Variants in LHFPL6 observed in about 807,000 individuals in gnomAD.
The protein encoded by LHFPL6 is LHFPL tetraspan subfamily member 6 protein.
In LHFPL6, 9 loss-of-function variants were observed where a neutral mutation model predicts 20.6. That is an observed-to-expected ratio of 0.44 (90% CI 0.26 to 0.76). LHFPL6 has a LOEUF of 0.76. Ranked by LOEUF, LHFPL6 falls within the 30% of genes least tolerant of loss-of-function variation. The pLI is 0.20. For missense variants in LHFPL6, 218 were observed against 253.5 expected (o/e 0.86, Z 0.95); for synonymous variants, 105 against 98.7 (o/e 1.06, Z -0.38).
At position 39,601,303 on chromosome 13, in the gene LHFPL6, C is replaced by T; in HGVS notation, c.-87G>A. The T allele has an allele frequency of 7.4e-6, 10 of 1,349,438 alleles. No individual in the cohort carries two copies. Among genetic ancestry groups the T allele is most frequent in the Middle Eastern group, 2.4e-4 (1 of 4,168 alleles). 83.6% of individuals were successfully genotyped at this position (1,349,438 alleles called of 1,614,324 possible). A position where few individuals can be genotyped will look rare whatever the true frequency, so the allele number is the denominator to read the frequency against. On this transcript the variant is annotated 5_prime_UTR_variant, in exon 2 of 4. The change creates a new upstream start codon in the 5' untranslated region. Transcript: ENST00000379589. ...AAGGTGTGAAATCACCAGGGACCCACAGATAATCCACAGTTCCGTAATGCA... is the reference window on the plus strand; with the variant it reads ...AAGGTGTGAAATCACCAGGGACCCATAGATAATCCACAGTTCCGTAATGCA...
intron 2 of LHFPL6, among the ~76,000 whole-genome samples, chr13:39,416,497 AG>A (rs1358277823): frequency 6.6e-6 from 1 of 152,230 alleles, no homozygotes; most frequent in Non-Finnish European, 1.5e-5. Flanking sequence ...AAGGACAAAA[AG>A]GTAGAGAATA....
intron 2 of LHFPL6, among the ~76,000 whole-genome samples, chr13:39,588,434 C>T (rs757806263): frequency 5.3e-5 from 8 of 152,218 alleles, no homozygotes; most frequent in Non-Finnish European, 1.0e-4. Context: ...GATGTTAATG[C>T]ATATTACAAG....
At chr13:39,581,006 T>C (rs1160321) in intron 2 of LHFPL6, among the ~76,000 whole-genome samples, 132,690 of 152,266 alleles carry the variant, frequency 0.87, 58,025 homozygotes, top group East Asian at 0.93. Flanking sequence ...CTTACAGACT[T>C]GAGGAAACAG....
At chr13:39,566,750 A>G (rs1871732099) in intron 2 of LHFPL6, among the ~76,000 whole-genome samples, 1 of 151,482 alleles carries the variant, frequency 6.6e-6, no homozygotes, top group Non-Finnish European at 1.5e-5. Context: ...AAAAAAAAAA[A>G]AAAAAAAAAA....
chr13:39,551,318 C>T (rs1456203842), intron 2 of LHFPL6, among the ~76,000 whole-genome samples: 2 of 152,030 alleles, frequency 1.3e-5, no homozygotes, highest in Non-Finnish European at 2.9e-5. Context: ...CACCAGGGAC[C>T]AGATTCACTT....
At chr13:39,506,256 A>G (rs995999848) in intron 2 of LHFPL6, among the ~76,000 whole-genome samples, 1 of 152,228 alleles carries the variant, frequency 6.6e-6, no homozygotes, top group Admixed American at 6.5e-5. Flanking sequence ...TAGGAAAACA[A>G]GAAGAGGCTA....
intron 2 of LHFPL6, among the ~76,000 whole-genome samples, chr13:39,380,542 G>A (rs113417305): frequency 0.027 from 3,892 of 145,414 alleles, 188 homozygotes; most frequent in African/African-American, 0.095. Context: ...ACAGAGTCTC[G>A]CACTGTCATC....
chr13:39,388,254 T>C (rs997843429), intron 2 of LHFPL6, among the ~76,000 whole-genome samples: 2 of 152,248 alleles, frequency 1.3e-5, no homozygotes, highest in Admixed American at 1.3e-4. Flanking sequence ...TTCTCATTCT[T>C]CTTTTTTAAT....
At chr13:39,459,186 G>A (rs1872635517) in intron 2 of LHFPL6, among the ~76,000 whole-genome samples, 1 of 142,108 alleles carries the variant, frequency 7.0e-6, no homozygotes, top group Non-Finnish European at 1.5e-5. Context: ...AGCTGGACAA[G>A]TTCCTTAATG....
In LHFPL6 at chr13:39,360,892, C is replaced by T. The variant is rs1394554275; in HGVS notation, c.485-16838G>A. Reference sequence around the variant, plus strand: ...TTTGCTCTGTTGAATCTCTCTTGCCCGCCCCCTCAAATGTTTTAGCTCCAC... The same window carrying T: ...TTTGCTCTGTTGAATCTCTCTTGCCTGCCCCCTCAAATGTTTTAGCTCCAC... On this transcript the variant is annotated intron_variant, in intron 3 of 3. Coordinates refer to ENST00000379589, the MANE Select transcript of LHFPL6 (RefSeq NM_005780.3). Among the ~76,000 whole-genome samples, 6 of 97,368 alleles carry T rather than the reference C, an allele frequency of 6.2e-5. 3 individuals are homozygous for T. The highest frequency in any genetic ancestry group is 1.2e-4 in the African/African-American group (4 of 33,160). 63.9% of individuals were successfully genotyped at this position (97,368 alleles called of 152,430 possible). A position where few individuals can be genotyped will look rare whatever the true frequency, so the allele number is the denominator to read the frequency against.
chr13:39,482,171 C>T (rs1343022093), intron 2 of LHFPL6, among the ~76,000 whole-genome samples: 1 of 152,178 alleles, frequency 6.6e-6, no homozygotes, highest in Non-Finnish European at 1.5e-5. Context: ...CCACCGGGCA[C>T]AGTGGCTCAT....
chr13:39,563,171 T>A (rs1208938339), intron 2 of LHFPL6, among the ~76,000 whole-genome samples: 1 of 147,964 alleles, frequency 6.8e-6, no homozygotes, highest in African/African-American at 2.5e-5. Flanking sequence ...AAAGCAACAA[T>A]GTTAAAAATG....
chr13:39,476,205 T>A (rs2138440940), intron 2 of LHFPL6, among the ~76,000 whole-genome samples: 1 of 152,360 alleles, frequency 6.6e-6, no homozygotes, highest in Non-Finnish European at 1.5e-5. Context: ...GTATTACTTA[T>A]TTTTAATAGA....
intron 2 of LHFPL6, among the ~76,000 whole-genome samples, chr13:39,475,428 C>CTTTTT (rs199666257): frequency 4.2e-4 from 61 of 146,708 alleles, no homozygotes; most frequent in African/African-American, 1.4e-3. Flanking sequence ...ACTGCTCCAT[C>CTTTTT]TTTTTTTTTT....
Position 39,525,931 on chromosome 13 carries a change from TA to T in LHFPL6, c.385+74900del, listed in dbSNP as rs1357092228. Among the ~76,000 whole-genome samples the T allele has an allele frequency of 2.0e-5, 3 of 151,422 alleles. No homozygotes were observed. The East Asian group carries it at 5.8e-4, about 29-fold the overall frequency. On this transcript the variant is annotated intron_variant, in intron 2 of 3. Transcript: ENST00000379589. The stretch of plus-strand genomic sequence containing the variant: ...TAAAACTCAGAAGGTCAAAAAGAAA[TA>T]ATCAGTCACAGAAACAGAATGTTAT...
At chr13:39,528,326 A>C (rs1170216928) in intron 2 of LHFPL6, among the ~76,000 whole-genome samples, 1 of 152,202 alleles carries the variant, frequency 6.6e-6, no homozygotes, top group Non-Finnish European at 1.5e-5. Context: ...TCTGACTGAA[A>C]AAAAACTAGA....
At chr13:39,352,806 A>G (rs1869601832) in intron 3 of LHFPL6, among the ~76,000 whole-genome samples, 1 of 137,306 alleles carries the variant, frequency 7.3e-6, no homozygotes, top group Non-Finnish European at 1.5e-5. Flanking sequence ...GGATCAGTAG[A>G]AAGAGGGAAA....
chr13:39,537,992 CTTTTTT>C (rs57732900), intron 2 of LHFPL6, among the ~76,000 whole-genome samples: 1,072 of 43,542 alleles, frequency 0.025, 20 homozygotes, highest in African/African-American at 0.056. Flanking sequence ...TTCTTTCTTT[CTTTTTT>C]TTTTTTTTTT....
chr13:39,595,786 CAGG>C (rs1872753878), intron 2 of LHFPL6, among the ~76,000 whole-genome samples: 1 of 152,140 alleles, frequency 6.6e-6, no homozygotes, highest in Non-Finnish European at 1.5e-5. Flanking sequence ...TGCTGAAGAC[CAGG>C]AGATCTTTTC....
Sources: allele counts gnomAD v4.1 joint callset (sites outside exome capture counted in the v4.1 genomes callset), GRCh38; gene constraint gnomAD v4.1.1; transcripts MANE v1.5; gene names NCBI Gene and HGNC (gene_info 2026-07-23, HGNC 2026-07-21).